PAFAH1B2: variants seen among roughly 807,000 people sequenced by gnomAD.
PAFAH1B2 encodes platelet activating factor acetylhydrolase 1b catalytic subunit 2, also known as platelet-activating factor acetylhydrolase IB subunit alpha2.
Under a neutral mutation model 28.0 loss-of-function variants are expected in PAFAH1B2, and 8 were observed. The ratio of observed to expected loss-of-function variants is 0.29; its 90% CI spans 0.17 to 0.52. The LOEUF is 0.52. Among genes scored for constraint, PAFAH1B2 ranks in the 20% least tolerant of loss-of-function variants. The probability of loss-of-function intolerance (pLI) is 0.97; values close to 1 mark genes in which losing one functional copy is unlikely to be tolerated. For missense variants in PAFAH1B2, 190 were observed against 282.6 expected (o/e 0.67, Z 2.35); for synonymous variants, 104 against 103.2 (o/e 1.01, Z -0.05).
downstream of PAFAH1B2, among the ~76,000 whole-genome samples, chr11:117,177,418 T>G (rs563853588): frequency 2.0e-5 from 3 of 152,378 alleles, no homozygotes; most frequent in Admixed American, 2.0e-4. Context: ...TAACTACTGC[T>G]AAATTTTATT....
At chr11:117,146,412 A>T (rs12287494) in intron 1 of PAFAH1B2, among the ~76,000 whole-genome samples, 2,990 of 152,220 alleles carry the variant, frequency 0.02, 86 homozygotes, top group African/African-American at 0.064. Context: ...GCGTCTTACC[A>T]CTGGGTAGCT....
chr11:117,161,273 G>A lies in PAFAH1B2; in HGVS notation c.288+12G>A, dbSNP rs1956363992. 2 of 1,411,218 alleles carry A rather than the reference G, an allele frequency of 1.4e-6. No individual in the cohort carries two copies. Among genetic ancestry groups the A allele is most frequent in the Non-Finnish European group, 1.9e-6 (2 of 1,032,352 alleles). 87.4% of individuals were successfully genotyped at this position (1,411,218 alleles called of 1,614,324 possible). ...ATATTAAGCCTAAGGTGAAATGAAAGTTACTTGTCAATGTCATTAATCTTA... is the reference window on the plus strand; with the variant it reads ...ATATTAAGCCTAAGGTGAAATGAAAATTACTTGTCAATGTCATTAATCTTA... On this transcript the variant is annotated intron_variant, in intron 4 of 5. Transcript: ENST00000527958.
At position 117,168,991 on chromosome 11, in the gene PAFAH1B2, A is replaced by G. The variant is rs1433237010; in HGVS notation, c.*1292A>G. The G allele has an allele frequency of 8.1e-6, 3 of 369,926 alleles. No individual in the cohort carries two copies. Among genetic ancestry groups the G allele is most frequent in the Non-Finnish European group, 1.2e-5 (3 of 258,120 alleles). 22.9% of individuals were successfully genotyped at this position (369,926 alleles called of 1,614,324 possible). A position where few individuals can be genotyped will look rare whatever the true frequency, so the allele number is the denominator to read the frequency against. On this transcript the variant is annotated 3_prime_UTR_variant, in exon 6 of 6. Coordinates refer to ENST00000527958, the MANE Select transcript of PAFAH1B2 (RefSeq NM_002572.4). Reference sequence around the variant, plus strand: ...TTTTTATTAGAGACGGGATTTCGCCATGTTAACCAGGCTGGTCTCGAACTC... The same window carrying G: ...TTTTTATTAGAGACGGGATTTCGCCGTGTTAACCAGGCTGGTCTCGAACTC...
chr11:117,160,487 T>C (rs1164718773), intron 3 of PAFAH1B2, among the ~76,000 whole-genome samples: 1 of 152,230 alleles, frequency 6.6e-6, no homozygotes, highest in African/African-American at 2.4e-5. Flanking sequence ...TTTTTATTTT[T>C]TAATTTATTT....
intron 1 of PAFAH1B2, among the ~76,000 whole-genome samples, chr11:117,145,144 C>A (rs1247119216): frequency 6.6e-6 from 1 of 152,126 alleles, no homozygotes; most frequent in Non-Finnish European, 1.5e-5. Context: ...CCAAGGTCAG[C>A]CAGCTAGATA....
At chr11:117,144,923 A>G (rs1209429835) in intron 1 of PAFAH1B2, among the ~76,000 whole-genome samples, 2 of 152,162 alleles carry the variant, frequency 1.3e-5, no homozygotes, top group East Asian at 3.9e-4. Context: ...GGCCAAAACC[A>G]GTTACTCCGT....
chr11:117,149,825 AGGTAGTGG>A (rs1956107091), intron 1 of PAFAH1B2, among the ~76,000 whole-genome samples: 2 of 152,092 alleles, frequency 1.3e-5, no homozygotes, highest in South Asian at 4.1e-4. Context: ...ACAAATGTGT[AGGTAGTGG>A]GGTGCATTTC....
intron 1 of PAFAH1B2, among the ~76,000 whole-genome samples, chr11:117,151,206 TCA>T (rs1956142307): frequency 2.0e-5 from 3 of 149,450 alleles, no homozygotes; most frequent in African/African-American, 7.4e-5. Flanking sequence ...ATATTTGGAC[TCA>T]TCATTACTAA....
At chr11:117,174,812 A>G (rs1208990589), downstream of PAFAH1B2, 3 of 812,532 alleles carry the variant, frequency 3.7e-6, no homozygotes, top group Non-Finnish European at 5.6e-6. Context: ...ACGGGCTTTT[A>G]CCATGTTGGC....
chr11:117,168,038 C>A lies in PAFAH1B2; in HGVS notation c.*339C>A. The A allele has an allele frequency of 3.7e-6, 4 of 1,067,532 alleles. No homozygotes were observed. The highest frequency in any genetic ancestry group is 4.5e-6 in the Non-Finnish European group (4 of 881,126). 66.1% of individuals were successfully genotyped at this position (1,067,532 alleles called of 1,614,324 possible). ...TACTGAACAATATGAAGATTCTTTTCTTGGCCTTTCTGTGGATTATGTCAT... is the reference window on the plus strand; with the variant it reads ...TACTGAACAATATGAAGATTCTTTTATTGGCCTTTCTGTGGATTATGTCAT... On this transcript the variant is annotated 3_prime_UTR_variant, in exon 6 of 6. Transcript: ENST00000527958.
chr11:117,164,666 G>A (rs1396143721), intron 5 of PAFAH1B2, among the ~76,000 whole-genome samples: 2 of 152,096 alleles, frequency 1.3e-5, no homozygotes, highest in African/African-American at 4.8e-5. Context: ...GAACAGAAAG[G>A]TGCTACCCTT....
At chr11:117,147,215 C>T (rs1956033128) in intron 1 of PAFAH1B2, among the ~76,000 whole-genome samples, 1 of 152,144 alleles carries the variant, frequency 6.6e-6, no homozygotes, top group Non-Finnish European at 1.5e-5. Flanking sequence ...TTGCAGTGAG[C>T]CAAGGTCGCG....
chr11:117,163,650 G>GT (rs1956428648), intron 4 of PAFAH1B2, 120 bp from the exon 5 acceptor site: 1 of 1,008,904 alleles, frequency 9.9e-7, no homozygotes, highest in Non-Finnish European at 1.5e-6. Context: ...TCCAGTCTGG[G>GT]TGATAGAGCG....
chr11:117,174,054 AGG>A (rs1205593934), downstream of PAFAH1B2, among the ~76,000 whole-genome samples: 4 of 152,174 alleles, frequency 2.6e-5, no homozygotes, highest in Non-Finnish European at 4.4e-5. Flanking sequence ...TCCCACCCAT[AGG>A]CATGGCTACT....
downstream of PAFAH1B2, among the ~76,000 whole-genome samples, chr11:117,173,102 C>T (rs1266230876): frequency 3.3e-5 from 5 of 152,200 alleles, no homozygotes; most frequent in East Asian, 1.9e-4. Flanking sequence ...AGATTTGAGA[C>T]GGTCAAGTAT....
In PAFAH1B2 at chr11:117,167,814, T is replaced by C. The variant is rs573666464; in HGVS notation, c.*115T>C. ...TTGCATTGTAGAATGTTCCTGGATG[T>C]TCATATCTAGTGTTTGAAGGGGAGG... On this transcript the variant is annotated 3_prime_UTR_variant, in exon 6 of 6. Transcript: ENST00000527958. 9.1e-4 allele frequency: 1,193 copies of C among 1,309,070 alleles called. 9 individuals are homozygous for C. The African/African-American group carries it at 0.015, about 17-fold the overall frequency. The allele number at this position is 1,309,070 out of a possible 1,614,324, so 81.1% of individuals were successfully genotyped here.
In PAFAH1B2 at chr11:117,167,640, G is replaced by A; in HGVS notation, c.631G>A (p.Glu211Lys). Reference protein sequence around the residue: ...GYAKICKPLHELIMQLLEETP... With the variant: ...GYAKICKPLHKLIMQLLEETP... ...TGCAAAGATCTGCAAACCCCTGCATGAACTGATCATGCAGTTGTTGGAGGA... is the reference window on the plus strand; with the variant it reads ...TGCAAAGATCTGCAAACCCCTGCATAAACTGATCATGCAGTTGTTGGAGGA... Residue 211 changes from glutamate to lysine, a missense_variant, in exon 6 of 6, where the codon GAA becomes AAA. By Grantham distance (56) the Glu-to-Lys change is moderately conservative. Transcript: ENST00000527958. 1 of 1,595,138 alleles carries A rather than the reference G, an allele frequency of 6.3e-7. No homozygotes were observed. The highest frequency in any genetic ancestry group is 8.6e-7 in the Non-Finnish European group (1 of 1,166,630).
At chr11:117,151,500 A>T (rs1323935653) in intron 1 of PAFAH1B2, among the ~76,000 whole-genome samples, 1 of 152,020 alleles carries the variant, frequency 6.6e-6, no homozygotes, top group African/African-American at 2.4e-5. Flanking sequence ...AAGTGCTGGG[A>T]TTACAGGCGT....
rs1471506709 is a variant in PAFAH1B2 at position 117,167,999 on chromosome 11, A to G, written c.*300A>G. On this transcript the variant is annotated 3_prime_UTR_variant, in exon 6 of 6. Transcript: ENST00000527958. ...TTATTATCACTGTTTTCTTGGGACA[A>G]CATCAAGCCTAAATACTGAACAATA... 10 of 1,081,054 alleles carry G rather than the reference A, an allele frequency of 9.3e-6. No homozygotes were observed. Among genetic ancestry groups the G allele is most frequent in the Non-Finnish European group, 3.4e-6 (3 of 890,386 alleles). 67.0% of individuals were successfully genotyped at this position (1,081,054 alleles called of 1,614,324 possible). A position where few individuals can be genotyped will look rare whatever the true frequency, so the allele number is the denominator to read the frequency against.
Sources: allele counts gnomAD v4.1 joint callset (sites outside exome capture counted in the v4.1 genomes callset), GRCh38; gene constraint gnomAD v4.1.1; transcripts MANE v1.5; gene names NCBI Gene and HGNC (gene_info 2026-07-23, HGNC 2026-07-21).